The following HSPBAP1 variants were observed in gnomAD, a reference collection of about 807,000 sequenced individuals.
HSPBAP1 encodes HSPB1 associated protein 1, also known as HSPB1-associated protein 1.
HSPBAP1 carries 27 observed loss-of-function variants against 45.2 expected under a neutral mutation model. The observed-to-expected ratio is 0.60, with a 90% confidence interval of 0.44 to 0.82. The LOEUF is 0.82. Ranked by LOEUF, HSPBAP1 falls within the 40% of genes least tolerant of loss-of-function variation. HSPBAP1 has a pLI of 0.00. For missense variants in HSPBAP1, 510 were observed against 590.9 expected (o/e 0.86, Z 1.42); for synonymous variants, 204 against 202.7 (o/e 1.01, Z -0.06).
At chr3:122,785,429 C>T (rs1420871591) in intron 1 of HSPBAP1, among the ~76,000 whole-genome samples, 2 of 152,188 alleles carry the variant, frequency 1.3e-5, no homozygotes, top group Non-Finnish European at 2.9e-5. Context: ...AGGTTCTTCA[C>T]CCCCAGCCAA....
intron 5 of HSPBAP1, chr3:122,752,932 T>G (rs1226908373): frequency 1.7e-6 from 2 of 1,162,174 alleles, no homozygotes; most frequent in Non-Finnish European, 2.1e-6. Flanking sequence ...CTTCTTTGTC[T>G]GCACCTAAAT....
At chr3:122,759,736 G>A (rs948266473) in intron 3 of HSPBAP1, among the ~76,000 whole-genome samples, 1 of 152,184 alleles carries the variant, frequency 6.6e-6, no homozygotes, top group Non-Finnish European at 1.5e-5. Flanking sequence ...TAGGGAAAGC[G>A]TGTTTTGGGC....
At chr3:122,740,896 T>G (rs766090015) in intron 7 of HSPBAP1, 21 bp from the exon 8 acceptor site, 1 of 1,611,448 alleles carries the variant, frequency 6.2e-7, no homozygotes, top group African/African-American at 1.3e-5. Flanking sequence ...AGAAAAACCT[T>G]TTAAAATGGT....
chr3:122,752,759 GA>G (rs1229158479), intron 5 of HSPBAP1, 85 bp from the exon 6 acceptor site: 37 of 1,409,284 alleles, frequency 2.6e-5, no homozygotes, highest in Admixed American at 5.8e-5. Flanking sequence ...AGGCTGCTAG[GA>G]AAAAAAGGAA....
chr3:122,755,250 G>C lies in HSPBAP1; in HGVS notation c.741+10C>G. 1 of 1,529,002 alleles carries C rather than the reference G, an allele frequency of 6.5e-7. No individual in the cohort carries two copies. The highest frequency in any genetic ancestry group is 1.3e-5 in the South Asian group (1 of 78,208). The allele number at this position is 1,529,002 out of a possible 1,614,324, so 94.7% of individuals were successfully genotyped here. A position where few individuals can be genotyped will look rare whatever the true frequency, so the allele number is the denominator to read the frequency against. ...CCTGGCAGGTCATTAATGTTTTAAA[G>C]CCCTATTACCTGTCCTGGGCTCAGT... On this transcript the variant is annotated intron_variant, in intron 5 of 7. Transcript: ENST00000306103.
intron 3 of HSPBAP1, among the ~76,000 whole-genome samples, chr3:122,762,141 A>C (rs986678088): frequency 1.3e-5 from 2 of 152,156 alleles, no homozygotes; most frequent in Non-Finnish European, 2.9e-5. Context: ...CTTACTACAA[A>C]ATCAGTATCT....
intron 1 of HSPBAP1, among the ~76,000 whole-genome samples, chr3:122,780,134 GA>G (rs1181774385): frequency 0.026 from 3,093 of 119,530 alleles, 35 homozygotes; most frequent in Middle Eastern, 0.058. Flanking sequence ...GCCGGGCGGG[GA>G]GCTGACCCCC....
chr3:122,793,327 C>T (rs1307833586), intron 1 of HSPBAP1, among the ~76,000 whole-genome samples: 1 of 152,168 alleles, frequency 6.6e-6, no homozygotes, highest in East Asian at 1.9e-4. Context: ...TCTAAACGTT[C>T]AAAACACCTC....
At chr3:122,790,586 T>G (rs760851161) in intron 1 of HSPBAP1, among the ~76,000 whole-genome samples, 8 of 152,242 alleles carry the variant, frequency 5.3e-5, no homozygotes, top group African/African-American at 9.6e-5. Context: ...ATATTTATAA[T>G]TATTTTGGGG....
Position 122,755,152 on chromosome 3 carries a change from A to G in HSPBAP1, c.741+108T>C, listed in dbSNP as rs1314138660. Reference sequence around the variant, plus strand: ...ACAGCAGAGCAGAGGGAAGGAAGCCATTCTCATTTGCACTGCGCAGGGAGG... The same window carrying G: ...ACAGCAGAGCAGAGGGAAGGAAGCCGTTCTCATTTGCACTGCGCAGGGAGG... On this transcript the variant is annotated intron_variant, in intron 5 of 7. Coordinates refer to ENST00000306103, the MANE Select transcript of HSPBAP1 (RefSeq NM_024610.6). 8 of 1,218,978 alleles carry G rather than the reference A, an allele frequency of 6.6e-6. No homozygotes were observed. The South Asian group carries it at 1.2e-4, about 18-fold the overall frequency. 75.5% of individuals were successfully genotyped at this position (1,218,978 alleles called of 1,614,324 possible).
At chr3:122,781,764 C>G (rs1935493877) in intron 1 of HSPBAP1, among the ~76,000 whole-genome samples, 1 of 152,196 alleles carries the variant, frequency 6.6e-6, no homozygotes, top group Non-Finnish European at 1.5e-5. Flanking sequence ...TGGCTTCCAT[C>G]TGCATCCATG....
intron 3 of HSPBAP1, among the ~76,000 whole-genome samples, chr3:122,767,516 C>G (rs1934830388): frequency 6.6e-6 from 1 of 152,020 alleles, no homozygotes; most frequent in South Asian, 2.1e-4. Context: ...CGTAATTGCG[C>G]CACTGCATTC....
At chr3:122,750,357 T>C (rs539564272) in intron 6 of HSPBAP1, among the ~76,000 whole-genome samples, 3 of 152,208 alleles carry the variant, frequency 2.0e-5, no homozygotes, top group Non-Finnish European at 4.4e-5. Flanking sequence ...TTCTATCATG[T>C]TAAACTTGAA....
intron 1 of HSPBAP1, among the ~76,000 whole-genome samples, chr3:122,778,355 T>C (rs1935263586): frequency 6.6e-6 from 1 of 151,790 alleles, no homozygotes; most frequent in South Asian, 2.1e-4. Flanking sequence ...TGGAAAATAC[T>C]GAAAAGAACA....
intron 2 of HSPBAP1, among the ~76,000 whole-genome samples, chr3:122,770,250 G>A (rs912708988): frequency 2.6e-5 from 4 of 152,122 alleles, no homozygotes; most frequent in African/African-American, 9.7e-5. Flanking sequence ...ACTTTAACTT[G>A]TCACCTCACT....
intron 3 of HSPBAP1, among the ~76,000 whole-genome samples, chr3:122,766,487 T>C (rs796810047): frequency 4.6e-5 from 7 of 152,346 alleles, no homozygotes; most frequent in Non-Finnish European, 8.8e-5. Context: ...CAACTCAAAA[T>C]ATCAGATTTT....
At chr3:122,767,943 A>G (rs1205942301) in intron 3 of HSPBAP1, among the ~76,000 whole-genome samples, 1 of 152,096 alleles carries the variant, frequency 6.6e-6, no homozygotes, top group African/African-American at 2.4e-5. Context: ...CCTTGGCCTG[A>G]GTCAGGGCAA....
chr3:122,742,586 AAAC>A (rs1421482147), intron 6 of HSPBAP1, among the ~76,000 whole-genome samples: 1 of 152,250 alleles, frequency 6.6e-6, no homozygotes, highest in Non-Finnish European at 1.5e-5. Flanking sequence ...TTGTTTGGTC[AAAC>A]AATAATCTGG....
chr3:122,776,409 C>T (rs1163625889), intron 2 of HSPBAP1, among the ~76,000 whole-genome samples: 3 of 152,074 alleles, frequency 2.0e-5, no homozygotes, highest in Non-Finnish European at 4.4e-5. Context: ...TGTGTCTTAT[C>T]TATAAAATGG....
Sources: allele counts gnomAD v4.1 joint callset (sites outside exome capture counted in the v4.1 genomes callset), GRCh38; gene constraint gnomAD v4.1.1; transcripts MANE v1.5; gene names NCBI Gene and HGNC (gene_info 2026-07-23, HGNC 2026-07-21).